The following SNAPC4 variants were observed in gnomAD, a reference collection of about 807,000 sequenced individuals.
The protein encoded by SNAPC4 is snRNA-activating protein complex subunit 4.
Under a neutral mutation model 151.3 loss-of-function variants are expected in SNAPC4, and 127 were observed. The ratio of observed to expected loss-of-function variants is 0.84; its 90% CI spans 0.73 to 0.97. The LOEUF is 0.97. SNAPC4 is among the 50% of genes least tolerant of loss of function. SNAPC4 has a pLI of 0.00. For synonymous variants in SNAPC4, 1,002 were observed against 824.4 expected (o/e 1.22, Z -3.69); for missense variants, 2,186 against 1,935.0 (o/e 1.13, Z -2.43).
At chr9:136,382,442 C>G (rs908181010) in intron 16 of SNAPC4, 106 bp from the exon 17 acceptor site, 3 of 975,748 alleles carry the variant, frequency 3.1e-6, no homozygotes, top group East Asian at 2.6e-5. Flanking sequence ...GGCTCCAAAG[C>G]GTGGCTGTGT....
chr9:136,377,927 T>C lies in SNAPC4; in HGVS notation c.3900A>G (p.Arg1300=). Residue 1300 remains arginine (R), a synonymous_variant, in exon 22 of 24, where the codon AGA becomes AGG. Coordinates refer to ENST00000684778, the MANE Select transcript of SNAPC4 (RefSeq NM_003086.4). ...RGVRVPLLGS[R]LPYQPPALCS... is the part of the protein sequence containing the mutation. Reference sequence around the variant, plus strand: ...ACAGGGCTGGGGGCTGATAGGGCAGTCTGCTGCCCAGAAGAGGCACACGCA... The same window carrying C: ...ACAGGGCTGGGGGCTGATAGGGCAGCCTGCTGCCCAGAAGAGGCACACGCA... 1.2e-6 allele frequency: 2 copies of C among 1,609,080 alleles called. No homozygotes were observed. The highest frequency in any genetic ancestry group is 1.7e-6 in the Non-Finnish European group (2 of 1,178,544).
chr9:136,377,489 C>T, intron 22 of SNAPC4, 54 bp downstream of exon 22: 1 of 1,490,852 alleles, frequency 6.7e-7, no homozygotes. Flanking sequence ...CAGGCGAGGG[C>T]ACCCCAGGGA....
intron 2 of SNAPC4, among the ~76,000 whole-genome samples, chr9:136,397,829 G>A (rs1834328950): frequency 6.6e-6 from 1 of 151,986 alleles, no homozygotes; most frequent in Non-Finnish European, 1.5e-5. Context: ...TGTCCAGACT[G>A]CCATCTGGTG....
At chr9:136,399,820 C>G (rs1468684116) in intron 1 of SNAPC4, among the ~76,000 whole-genome samples, 1 of 152,198 alleles carries the variant, frequency 6.6e-6, no homozygotes, top group Non-Finnish European at 1.5e-5. Flanking sequence ...CCCTCCGAGG[C>G]TCGGCCACCG....
At chr9:136,389,714 C>T (rs144301679) in intron 10 of SNAPC4, among the ~76,000 whole-genome samples, 54 of 152,304 alleles carry the variant, frequency 3.5e-4, no homozygotes, top group Non-Finnish European at 5.0e-4. Context: ...ACACCCATCC[C>T]AAGCCTGCCG....
chr9:136,391,113 G>A (rs892349547), intron 10 of SNAPC4, among the ~76,000 whole-genome samples: 9 of 152,046 alleles, frequency 5.9e-5, no homozygotes, highest in South Asian at 2.1e-4. Flanking sequence ...GGATTACAGG[G>A]GTGAGCCACT....
chr9:136,380,647 C>T (rs544281351), intron 20 of SNAPC4, 93 bp downstream of exon 20: 120 of 694,214 alleles, frequency 1.7e-4, no homozygotes, highest in Admixed American at 1.1e-3. Flanking sequence ...TGCGGTGGAG[C>T]GGGTGGGGCG....
At chr9:136,397,463 G>C (rs974022266) in intron 2 of SNAPC4, among the ~76,000 whole-genome samples, 1 of 106,664 alleles carries the variant, frequency 9.4e-6, no homozygotes, top group African/African-American at 3.2e-5. Flanking sequence ...AAGCAAGGCT[G>C]GGGGGGTCTC....
Position 136,378,504 on chromosome 9 carries a change from A to G in SNAPC4, c.3323T>C (p.Leu1108Pro). 1 of 1,591,676 alleles carries G rather than the reference A, an allele frequency of 6.3e-7. No homozygotes were observed. Residue 1108 changes from leucine (L) to proline (P), a missense_variant, in exon 22 of 24, where the codon CTG becomes CCG. Leu to Pro is a moderately conservative substitution (Grantham distance 98). Transcript: ENST00000684778. ...CAGGGGAGGCAGCAGAGTGGCCAGC[A>G]GCCCTGCGGGGCCAGGGGTCCCTGC... ...RPAGTPGPAG[L>P]LATLLPPLTE... is the part of the protein sequence containing the mutation.
In SNAPC4 at chr9:136,379,034, G is replaced by C. The variant is rs888733925; in HGVS notation, c.2793C>G (p.Pro931=). 6.3e-7 allele frequency: 1 copy of C among 1,598,316 alleles called. No homozygotes were observed. Among genetic ancestry groups the C allele is most frequent in the Non-Finnish European group, 8.5e-7 (1 of 1,173,168 alleles). ...LLVSSSVILQ[P]PLPHTPHGRP... ...GGCCGTGTGGGGTGTGTGGTAGAGG[G>C]GGCTGGAGGATCACAGACGAGGAGA... The change falls in exon 22 of 24, where the codon CCC becomes CCG. Residue 931 remains proline (P), a synonymous_variant. Transcript: ENST00000684778.
At chr9:136,399,760 C>T (rs1455141509) in intron 1 of SNAPC4, among the ~76,000 whole-genome samples, 1 of 152,226 alleles carries the variant, frequency 6.6e-6, no homozygotes, top group Non-Finnish European at 1.5e-5. Flanking sequence ...GAGACAGACC[C>T]GGCCCAGGCC....
intron 7 of SNAPC4, among the ~76,000 whole-genome samples, chr9:136,393,632 G>C (rs898884840): frequency 3.3e-5 from 5 of 151,578 alleles, no homozygotes; most frequent in African/African-American, 9.8e-5. Context: ...CATCATGGCC[G>C]TGTGGACCGA....
rs774878625 is a variant in SNAPC4, at chr9:136,377,780, C to A, written c.4047G>T (p.Gly1349=). 1.9e-6 allele frequency: 3 copies of A among 1,611,760 alleles called. No individual in the cohort carries two copies. Among genetic ancestry groups the A allele is most frequent in the East Asian group, 2.2e-5 (1 of 44,872 alleles). Residue 1349 remains glycine, a synonymous_variant, in exon 22 of 24, where the codon GGG becomes GGT. Transcript: ENST00000684778. ...RPAGALQASL[G]LVRGQLQDNP... is the part of the protein sequence containing the mutation. ...TGTCCTGGAGCTGCCCCCGCACCAGCCCCAGTGAGGCTTGCAGTGCTCCGG... is the reference window on the plus strand; with the variant it reads ...TGTCCTGGAGCTGCCCCCGCACCAGACCCAGTGAGGCTTGCAGTGCTCCGG...
intron 2 of SNAPC4, among the ~76,000 whole-genome samples, chr9:136,397,253 C>A (rs1187361282): frequency 6.6e-6 from 1 of 152,152 alleles, no homozygotes; most frequent in African/African-American, 2.4e-5. Flanking sequence ...GACCTCCAGG[C>A]ACACAGGACA....
intron 18 of SNAPC4, 21 bp from the exon 19 acceptor site, chr9:136,381,413 G>A: frequency 3.1e-6 from 5 of 1,605,716 alleles, no homozygotes; most frequent in Non-Finnish European, 4.3e-6. Flanking sequence ...AGGGGGATAA[G>A]TGGAAAGCAG....
intron 14 of SNAPC4, 39 bp downstream of exon 14, chr9:136,384,681 A>G (rs776694068): frequency 2.7e-6 from 3 of 1,111,198 alleles, no homozygotes; most frequent in Non-Finnish European, 4.0e-6. Context: ...ACAAAAAACA[A>G]AAAAAAGAAA....
At chr9:136,391,406 T>C (rs1834069457) in intron 10 of SNAPC4, among the ~76,000 whole-genome samples, 1 of 152,112 alleles carries the variant, frequency 6.6e-6, no homozygotes, top group African/African-American at 2.4e-5. Flanking sequence ...CATACACTCC[T>C]AGATACACCT....
In SNAPC4 at chr9:136,379,048, C is replaced by T; in HGVS notation, c.2779G>A (p.Val927Met). The T allele has an allele frequency of 1.3e-6, 2 of 1,592,018 alleles. No individual in the cohort carries two copies. The highest frequency in any genetic ancestry group is 1.3e-5 in the African/African-American group (1 of 74,818). Reference protein sequence around the residue: ...LPSQLLVSSSVILQPPLPHTP... With the variant: ...LPSQLLVSSSMILQPPLPHTP... ...TGTGGTAGAGGGGGCTGGAGGATCA[C>T]AGACGAGGAGACCAGCAGCTGGGAC... The change falls in exon 22 of 24, where the codon GTG (valine) becomes ATG (methionine). Residue 927 changes from valine (V) to methionine (M), a missense_variant. Physicochemically the swap from Val to Met is conservative, Grantham distance 21 (BLOSUM62 1). Coordinates refer to ENST00000684778, the MANE Select transcript of SNAPC4 (RefSeq NM_003086.4).
At chr9:136,377,015 G>A (rs1833470995) in intron 22 of SNAPC4, among the ~76,000 whole-genome samples, 1 of 152,192 alleles carries the variant, frequency 6.6e-6, no homozygotes, top group African/African-American at 2.4e-5. Flanking sequence ...AGGCCTCTCT[G>A]GGGGCCCCAG....
Sources: gnomAD v4.1 joint callset for allele counts (sites outside exome capture counted in the v4.1 genomes callset) on GRCh38, gnomAD v4.1.1 for gene constraint, MANE v1.5 for transcripts, NCBI Gene and HGNC (gene_info 2026-07-23, HGNC 2026-07-21) for gene names.